Variants in RGS6 observed in about 807,000 individuals in gnomAD.
RGS6 encodes regulator of G protein signaling 6.
Under a neutral mutation model 78.5 loss-of-function variants are expected in RGS6, and 30 were observed. The ratio of observed to expected loss-of-function variants is 0.38; its 90% CI spans 0.29 to 0.52. RGS6 has a LOEUF of 0.52. Ranked by LOEUF, RGS6 falls within the 20% of genes least tolerant of loss-of-function variation. The pLI is 0.85. For missense variants in RGS6, 495 were observed against 609.7 expected, an observed-to-expected ratio of 0.81 and a Z score of 1.98; for synonymous variants, 206 against 206.0, an observed-to-expected ratio of 1.00 and a Z score of 0.00.
At chr14:72,353,229 C>G (rs2079486066) in intron 3 of RGS6, among the ~76,000 whole-genome samples, 1 of 152,170 alleles carries the variant, frequency 6.6e-6, no homozygotes, top group Admixed American at 6.5e-5. Context: ...TGTGTTTATA[C>G]AAAAACTTGT....
At chr14:72,378,323 C>T (rs186558041) in intron 3 of RGS6, among the ~76,000 whole-genome samples, 1 of 151,508 alleles carries the variant, frequency 6.6e-6, no homozygotes, top group East Asian at 1.9e-4. Flanking sequence ...ACAAACCAAT[C>T]CAAAGTTAGT....
intron 2 of RGS6, among the ~76,000 whole-genome samples, chr14:72,009,990 C>A (rs761618108): frequency 6.6e-6 from 1 of 152,210 alleles, no homozygotes; most frequent in Non-Finnish European, 1.5e-5. Flanking sequence ...AAGAATCAAT[C>A]GCAGTGGCAG....
At chr14:72,108,095 C>G (rs902075062) in intron 2 of RGS6, among the ~76,000 whole-genome samples, 4 of 152,116 alleles carry the variant, frequency 2.6e-5, no homozygotes, top group African/African-American at 9.7e-5. Context: ...GTCCAAAGCT[C>G]ATTCTGTAGT....
chr14:72,034,445 C>A (rs1439100997), intron 2 of RGS6, among the ~76,000 whole-genome samples: 1 of 151,000 alleles, frequency 6.6e-6, no homozygotes, highest in Non-Finnish European at 1.5e-5. Context: ...TGGTTTTTAG[C>A]CCCTTATTAA....
At chr14:72,550,330 G>A (rs2097485990) in intron 17 of RGS6, 2 of 746,026 alleles carry the variant, frequency 2.7e-6, no homozygotes, top group African/African-American at 1.7e-5. Context: ...TGGGGGAGAG[G>A]GAAGGCAGGG....
chr14:72,306,206 T>A (rs188491703), intron 2 of RGS6, among the ~76,000 whole-genome samples: 2 of 152,198 alleles, frequency 1.3e-5, no homozygotes, highest in Non-Finnish European at 2.9e-5. Context: ...TTATTGAATA[T>A]TTTAAGACCA....
At chr14:72,400,534 G>A (rs2092258602) in intron 3 of RGS6, among the ~76,000 whole-genome samples, 1 of 152,106 alleles carries the variant, frequency 6.6e-6, no homozygotes, top group African/African-American at 2.4e-5. Context: ...GCTATCGATG[G>A]AACAGACAAG....
At chr14:72,047,131 A>T (rs1393198952) in intron 2 of RGS6, among the ~76,000 whole-genome samples, 1 of 152,164 alleles carries the variant, frequency 6.6e-6, no homozygotes, top group South Asian at 2.1e-4. Context: ...GACATAATGC[A>T]CACTGAGCAC....
chr14:72,024,152 C>T (rs1449751163), intron 2 of RGS6, among the ~76,000 whole-genome samples: 2 of 111,958 alleles, frequency 1.8e-5, no homozygotes, highest in Admixed American at 2.0e-4. Context: ...CTTTGTAATT[C>T]TGCCCTGTCA....
chr14:72,584,428 G>A, the RGS6 span, among the ~76,000 whole-genome samples: 4 of 152,216 alleles, frequency 2.6e-5, no homozygotes, highest in Non-Finnish European at 5.9e-5. Flanking sequence ...AATGGGTGAT[G>A]TGATAGGGAC....
intron 2 of RGS6, among the ~76,000 whole-genome samples, chr14:72,111,995 A>C (rs370140485): frequency 1.3e-5 from 2 of 152,162 alleles, no homozygotes; most frequent in Non-Finnish European, 2.9e-5. Context: ...CTACAGTGCA[A>C]TTTGGCTCTT....
chr14:72,423,033 A>G (rs2153112947), intron 3 of RGS6, among the ~76,000 whole-genome samples: 1 of 152,360 alleles, frequency 6.6e-6, no homozygotes, highest in South Asian at 2.1e-4. Flanking sequence ...GAAGAAAAAG[A>G]CTATCAAGAG....
intron 1 of RGS6, among the ~76,000 whole-genome samples, chr14:71,963,690 A>G (rs962128823): frequency 6.6e-6 from 1 of 152,182 alleles, no homozygotes; most frequent in African/African-American, 2.4e-5. Flanking sequence ...AGTGTGTGTC[A>G]GTACTTTATT....
At chr14:72,368,367 T>C (rs1450985858) in intron 3 of RGS6, among the ~76,000 whole-genome samples, 1 of 152,214 alleles carries the variant, frequency 6.6e-6, no homozygotes, top group Non-Finnish European at 1.5e-5. Context: ...GGAACCCTCA[T>C]GATCTAGTCA....
intron 2 of RGS6, among the ~76,000 whole-genome samples, chr14:72,139,054 G>A (rs996218487): frequency 3.3e-5 from 5 of 152,186 alleles, no homozygotes; most frequent in Non-Finnish European, 5.9e-5. Flanking sequence ...GGGGACTGTT[G>A]CCCTAGCAGG....
chr14:72,403,985 A>G lies in RGS6; in HGVS notation c.185-50543A>G, dbSNP rs144409387. ...TCAGGTTTCTTGATTTCAGGAAGCT[A>G]TTTGATGGAGCCTTTCAAAGTTTGG... On this transcript the variant is annotated intron_variant, in intron 3 of 17. Transcript: ENST00000553525. 2.6e-3 allele frequency among the ~76,000 whole-genome samples: 395 copies of G among 152,292 alleles called. 2 individuals are homozygous for G. The highest frequency in any genetic ancestry group is 9.1e-3 in the African/African-American group (379 of 41,566).
intron 3 of RGS6, among the ~76,000 whole-genome samples, chr14:72,407,166 G>A (rs892061760): frequency 6.6e-6 from 1 of 152,156 alleles, no homozygotes; most frequent in African/African-American, 2.4e-5. Context: ...CTTAAAAGCT[G>A]GTGACCACCT....
chr14:72,152,533 G>A (rs533207899), intron 2 of RGS6, among the ~76,000 whole-genome samples: 2 of 152,280 alleles, frequency 1.3e-5, no homozygotes, highest in African/African-American at 4.8e-5. Context: ...TTCCTGTGGG[G>A]CTGTGGCTGA....
At chr14:72,122,575 C>T (rs114736227) in intron 2 of RGS6, among the ~76,000 whole-genome samples, 1,538 of 152,194 alleles carry the variant, frequency 0.01, 23 homozygotes, top group African/African-American at 0.035. Context: ...CCCATCTCTC[C>T]CTAGTGAAAC....
Sources: gnomAD v4.1 joint callset for allele counts (sites outside exome capture counted in the v4.1 genomes callset) on GRCh38, gnomAD v4.1.1 for gene constraint, MANE v1.5 for transcripts, NCBI Gene and HGNC (gene_info 2026-07-23, HGNC 2026-07-21) for gene names.